Variants in TRIM41 observed in about 807,000 individuals in gnomAD.
TRIM41 encodes the protein E3 ubiquitin-protein ligase TRIM41.
Under a neutral mutation model 60.6 loss-of-function variants are expected in TRIM41, and 21 were observed. That is an observed-to-expected ratio of 0.35 (90% CI 0.25 to 0.50). The LOEUF (loss-of-function observed/expected upper bound fraction) is 0.50, where lower values mean the gene tolerates loss of function less well. Among genes scored for constraint, TRIM41 ranks in the 20% least tolerant of loss-of-function variants. TRIM41 has a pLI of 0.98. For missense variants in TRIM41, 846 were observed against 868.3 expected, an observed-to-expected ratio of 0.97 and a Z score of 0.32; for synonymous variants, 407 against 344.9, an observed-to-expected ratio of 1.18 and a Z score of -2.00.
rs1759044679 is a variant in TRIM41, at chr5:181,235,183, G to A, written c.*408G>A. 2.0e-5 allele frequency: 30 copies of A among 1,537,830 alleles called. No individual in the cohort carries two copies. Among genetic ancestry groups the A allele is most frequent in the Non-Finnish European group, 2.5e-5 (29 of 1,139,338 alleles). On this transcript the variant is annotated 3_prime_UTR_variant, in exon 6 of 6. Transcript: ENST00000315073. ...TCTGAGGCTGGAGGGTTTGGGCAAG[G>A]CAACATCCCCATTCCAATTCCATTT...
In TRIM41 at chr5:181,234,350, G is replaced by A; in HGVS notation, c.1468G>A (p.Val490Ile). The A allele has an allele frequency of 1.2e-6, 2 of 1,608,210 alleles. No individual in the cohort carries two copies. The highest frequency in any genetic ancestry group is 1.7e-6 in the Non-Finnish European group (2 of 1,178,164). The change falls in exon 6 of 6, where the codon GTA (valine) becomes ATA (isoleucine). Residue 490 changes from valine (V) to isoleucine (I), a missense_variant. Coordinates refer to ENST00000315073, the MANE Select transcript of TRIM41 (RefSeq NM_033549.5). This position sits in a 1 kb window ranked among gnomAD's most constrained non-coding sequence, Gnocchi z 5.6. ...GFRSGRHYWE[V>I]EVGGRRGWAV... ...CCGCTCCGGCCGGCACTACTGGGAG[G>A]TAGAGGTGGGCGGGCGGCGGGGCTG... is the stretch of plus-strand genomic sequence containing the variant.
rs373135410 is a variant in TRIM41 at position 181,224,202 on chromosome 5, G to A, written c.203G>A (p.Gly68Glu). 1.7e-5 allele frequency: 27 copies of A among 1,613,198 alleles called. No individual in the cohort carries two copies. The South Asian group carries it at 2.3e-4, about 14-fold the overall frequency. ...GATCGGGAGGAGGAGGAGGAGGACGGAGAGGAGGAGGAAGTGGAGGCTGTG... is the reference window on the plus strand; with the variant it reads ...GATCGGGAGGAGGAGGAGGAGGACGAAGAGGAGGAGGAAGTGGAGGCTGTG... ...ELDREEEEED[G>E]EEEEVEAVGA... Residue 68 changes from glycine (G) to glutamate (E), a missense_variant, in exon 1 of 6, where the codon GGA becomes GAA. Coordinates refer to ENST00000315073, the MANE Select transcript of TRIM41 (RefSeq NM_033549.5).
In TRIM41 at chr5:181,231,131, G is replaced by A. The variant is rs377638573; in HGVS notation, c.909+292G>A. On this transcript the variant is annotated intron_variant, in intron 2 of 5. Transcript: ENST00000315073. ...TCTACCCGACACCAGAGCCTGAAGG[G>A]GGCAAAGCAAAACCCACATAGCAGC... The A allele has an allele frequency of 3.5e-4, 115 of 331,746 alleles. 2 individuals are homozygous for A. The highest frequency in any genetic ancestry group is 2.9e-3 in the South Asian group (110 of 38,048). The allele number at this position is 331,746 out of a possible 1,614,324, so 20.6% of individuals were successfully genotyped here.
At chr5:181,231,024 A>C in intron 2 of TRIM41, 185 bp downstream of exon 2, 2 of 493,820 alleles carry the variant, frequency 4.1e-6, no homozygotes, top group Non-Finnish European at 7.5e-6. Flanking sequence ...AGGCATGTTC[A>C]TTCCTGGTTC....
chr5:181,224,154 A>C lies in TRIM41; in HGVS notation c.155A>C (p.Asp52Ala). The C allele has an allele frequency of 6.2e-7, 1 of 1,613,944 alleles. No homozygotes were observed. Among genetic ancestry groups the C allele is most frequent in the South Asian group, 1.1e-5 (1 of 91,078 alleles). ...VCVTQLWGGE[D>A]EEDRDELDRE... ...GTAACCCAGTTGTGGGGTGGGGAGG[A>C]TGAGGAGGACAGAGATGAGTTAGAT... Residue 52 changes from aspartate (D) to alanine (A), a missense_variant, in exon 1 of 6, where the codon GAT (aspartate) becomes GCT (alanine). Coordinates refer to ENST00000315073, the MANE Select transcript of TRIM41 (RefSeq NM_033549.5).
rs1758394711 is a variant in TRIM41, at chr5:181,223,699, G to C, written c.-301G>C. 2 of 492,994 alleles carry C rather than the reference G, an allele frequency of 4.1e-6. No individual in the cohort carries two copies. The highest frequency in any genetic ancestry group is 7.8e-5 in the South Asian group (2 of 25,540). 30.5% of individuals were successfully genotyped at this position (492,994 alleles called of 1,614,324 possible). On this transcript the variant is annotated 5_prime_UTR_variant, in exon 1 of 6. Coordinates refer to ENST00000315073, the MANE Select transcript of TRIM41 (RefSeq NM_033549.5). ...GGGGCGGGGCCAGGAAGTGAGGAGG[G>C]GCGGGGGTTTATGAGGAGTCCAAGG...
chr5:181,224,815 G>C lies in TRIM41; in HGVS notation c.813+3G>C. ...AGGAGGTGGTGCAGGAGTACAAGGT[G>C]AGAGAAGTACAGAGAGAAGATGGGA... On this transcript the variant is annotated splice_donor_region_variant and intron_variant, in intron 1 of 5. Coordinates refer to ENST00000315073, the MANE Select transcript of TRIM41 (RefSeq NM_033549.5). 6.2e-7 allele frequency: 1 copy of C among 1,614,170 alleles called. No individual in the cohort carries two copies. Among genetic ancestry groups the C allele is most frequent in the Non-Finnish European group, 8.5e-7 (1 of 1,180,042 alleles).
Position 181,223,333 on chromosome 5 carries a change from G to A in TRIM41, c.-667G>A, listed in dbSNP as rs557651207. 3 of 399,600 alleles carry A rather than the reference G, an allele frequency of 7.5e-6. No homozygotes were observed. The highest frequency in any genetic ancestry group is 1.3e-4 in the South Asian group (1 of 7,958). 24.8% of individuals were successfully genotyped at this position (399,600 alleles called of 1,614,324 possible). ...CGGCTGCAGTCGGCTGTGCCGGGAG[G>A]GTAGGATGGCGTCTGGCCGATGCGG... On this transcript the variant is annotated 5_prime_UTR_variant, in exon 1 of 6. Coordinates refer to ENST00000315073, the MANE Select transcript of TRIM41 (RefSeq NM_033549.5).
intron 1 of TRIM41, chr5:181,227,213 T>C (rs1451326247): frequency 2.0e-5 from 3 of 152,146 alleles, no homozygotes; most frequent in Non-Finnish European, 4.4e-5. Flanking sequence ...CTCTGCAGTT[T>C]GGGAGGCCAT....
chr5:181,232,366 G>A (rs1758840041), intron 2 of TRIM41: 1 of 396,896 alleles, frequency 2.5e-6, no homozygotes, highest in Non-Finnish European at 4.6e-6. Context: ...GGAGAGGAGG[G>A]AAGGCTTGTC....
chr5:181,230,686 A>C (rs753723253), intron 1 of TRIM41, 58 bp from the exon 2 acceptor site: 1 of 1,416,542 alleles, frequency 7.1e-7, no homozygotes, highest in Non-Finnish European at 9.9e-7. Flanking sequence ...TTGCAGAGGT[A>C]GGCTCTGAAG....
At chr5:181,232,044 TG>T (rs987487762) in intron 2 of TRIM41, 2 of 152,288 alleles carry the variant, frequency 1.3e-5, no homozygotes, top group Admixed American at 6.5e-5. Flanking sequence ...AGTTCTGATC[TG>T]GGGCTTTTGG....
Position 181,233,140 on chromosome 5 carries a change from C to G in TRIM41, c.1140+251C>G, listed in dbSNP as rs1758882046. 2.8e-6 allele frequency: 2 copies of G among 713,776 alleles called. No individual in the cohort carries two copies. The highest frequency in any genetic ancestry group is 5.1e-6 in the Non-Finnish European group (2 of 394,974). 44.2% of individuals were successfully genotyped at this position (713,776 alleles called of 1,614,324 possible). ...GGTTTAAATGACAGTTGAGGAAAGT[C>G]TTTTTGACAGTGACATCCTGAAAAA... On this transcript the variant is annotated intron_variant, in intron 3 of 5. Coordinates refer to ENST00000315073, the MANE Select transcript of TRIM41 (RefSeq NM_033549.5). This position sits in a 1 kb window ranked among gnomAD's most constrained non-coding sequence, Gnocchi z 4.1.
rs1418397349 is a variant in TRIM41 at position 181,235,005 on chromosome 5, G to T, written c.*230G>T. On this transcript the variant is annotated 3_prime_UTR_variant, in exon 6 of 6. Coordinates refer to ENST00000315073, the MANE Select transcript of TRIM41 (RefSeq NM_033549.5). ...TATGTCTGTCCAACAGGTCTGCATGGGTCCCTGATAATGAGAACAGCTGCC... is the reference window on the plus strand; with the variant it reads ...TATGTCTGTCCAACAGGTCTGCATGTGTCCCTGATAATGAGAACAGCTGCC... 6.2e-7 allele frequency: 1 copy of T among 1,613,986 alleles called. No homozygotes were observed. Among genetic ancestry groups the T allele is most frequent in the South Asian group, 1.1e-5 (1 of 91,082 alleles).
intron 2 of TRIM41, chr5:181,231,222 C>T (rs567011865): frequency 6.5e-5 from 17 of 260,744 alleles, no homozygotes; most frequent in Middle Eastern, 1.4e-3. Flanking sequence ...AAGCATGAGG[C>T]GGACACTGTC....
At chr5:181,228,274 A>AGTTATAAG in intron 1 of TRIM41, 1 of 152,104 alleles carries the variant, frequency 6.6e-6, no homozygotes, top group Non-Finnish European at 1.5e-5. Flanking sequence ...TTTCTCTTAT[A>AGTTATAAG]ACTGGCTGGC....
Position 181,234,191 on chromosome 5 carries a change from C to T in TRIM41, c.1309C>T (p.Pro437Ser). The T allele has an allele frequency of 6.2e-7, 1 of 1,612,118 alleles. No individual in the cohort carries two copies. The highest frequency in any genetic ancestry group is 1.1e-5 in the South Asian group (1 of 91,080). ...QAARVDLTLD[P>S]DTAHPALMLS... ...CTCCCAAGTGGACCTGACGCTGGAC[C>T]CTGACACGGCTCACCCGGCCCTGAT... The change falls in exon 6 of 6, where the codon CCT becomes TCT. Residue 437 changes from proline to serine, a missense_variant. Transcript: ENST00000315073. The surrounding 1 kb of genome is among the most constrained non-coding windows in gnomAD (Gnocchi z 5.6).
At position 181,235,427 on chromosome 5, in the gene TRIM41, C is replaced by A. The variant is rs752491868; in HGVS notation, c.*652C>A. 3 of 1,613,284 alleles carry A rather than the reference C, an allele frequency of 1.9e-6. No individual in the cohort carries two copies. In the South Asian group the frequency reaches 3.3e-5, roughly 18 times the overall value. ...TGATTGAAACCACGCACCATTACATCATCATTACATTAATTACATCAACAT... is the reference window on the plus strand; with the variant it reads ...TGATTGAAACCACGCACCATTACATAATCATTACATTAATTACATCAACAT... On this transcript the variant is annotated 3_prime_UTR_variant, in exon 6 of 6. Coordinates refer to ENST00000315073, the MANE Select transcript of TRIM41 (RefSeq NM_033549.5).
At position 181,233,522 on chromosome 5, in the gene TRIM41, C is replaced by G. The variant is rs1464760436; in HGVS notation, c.1163+87C>G. 6.2e-7 allele frequency: 1 copy of G among 1,611,998 alleles called. No homozygotes were observed. Among genetic ancestry groups the G allele is most frequent in the Non-Finnish European group, 8.5e-7 (1 of 1,178,406 alleles). ...CTTCGGTATCCCTCTCCTCTCCTTC[C>G]TTCCCCAGGACCTGAGTTTCCATCT... On this transcript the variant is annotated intron_variant, in intron 4 of 5. Coordinates refer to ENST00000315073, the MANE Select transcript of TRIM41 (RefSeq NM_033549.5). The surrounding 1 kb of genome is among the most constrained non-coding windows in gnomAD (Gnocchi z 4.1).
Sources: allele counts gnomAD v4.1 joint callset, GRCh38; gene constraint gnomAD v4.1.1; non-coding constraint Gnocchi (gnomAD v3.1); transcripts MANE v1.5; gene names NCBI Gene and HGNC (gene_info 2026-07-23, HGNC 2026-07-21).